LSP1: variants seen among roughly 807,000 people sequenced by gnomAD.
LSP1 encodes lymphocyte-specific protein 1.
A neutral mutation model predicts 49.3 loss-of-function variants in LSP1; 32 were observed. The observed-to-expected ratio is 0.65, with a 90% CI of 0.49 to 0.87. The LOEUF is 0.87. Ranked by LOEUF, LSP1 falls within the 40% of genes least tolerant of loss-of-function variation. The probability of loss-of-function intolerance (pLI) is 0.00; values close to 1 mark genes in which losing one functional copy is unlikely to be tolerated. For missense variants in LSP1, 428 were observed against 442.6 expected (o/e 0.97, Z 0.30); for synonymous variants, 179 against 178.8 (o/e 1.00, Z -0.01).
At position 1,865,147 on chromosome 11, in the gene LSP1, C is replaced by A. The variant is rs537427105; in HGVS notation, c.53+11950C>A. ...CAGGACAGGAGCCTTTGAGATGCTG[C>A]TCTATCCCCGGGGCTGGGGTCAGGC... is the stretch of plus-strand genomic sequence containing the variant. On this transcript the variant is annotated intron_variant, in intron 1 of 10. Coordinates refer to ENST00000311604, the MANE Select transcript of LSP1 (RefSeq NM_002339.3). 46 of 974,692 alleles carry A rather than the reference C, an allele frequency of 4.7e-5. 1 individual carries two copies. In the South Asian group the frequency reaches 1.8e-3, roughly 39 times the overall value. 60.4% of individuals were successfully genotyped at this position (974,692 alleles called of 1,614,324 possible). A position where few individuals can be genotyped will look rare whatever the true frequency, so the allele number is the denominator to read the frequency against.
chr11:1,887,268 G>A lies in LSP1; in HGVS notation c.884G>A (p.Ser295Asn), dbSNP rs1007609338. The A allele has an allele frequency of 1.3e-6, 2 of 1,595,374 alleles. No homozygotes were observed. Among genetic ancestry groups the A allele is most frequent in the South Asian group, 1.1e-5 (1 of 89,170 alleles). The change falls in exon 9 of 11, where the codon AGC (serine) becomes AAC (asparagine). Residue 295 changes from serine (S) to asparagine (N), a missense_variant. Physicochemically the swap from Ser to Asn is conservative, Grantham distance 46. Transcript: ENST00000311604. Reference protein sequence around the residue: ...DIVAGDMSKKSLWEQKGGSKT... With the variant: ...DIVAGDMSKKNLWEQKGGSKT... Reference sequence around the variant, plus strand: ...GTGGCTGGAGACATGAGCAAGAAAAGCCTCTGGGAGCAGAAGGGAGGCTCC... The same window carrying A: ...GTGGCTGGAGACATGAGCAAGAAAAACCTCTGGGAGCAGAAGGGAGGCTCC...
At chr11:1,855,523 C>T (rs989773804) in intron 1 of LSP1, among the ~76,000 whole-genome samples, 4 of 152,308 alleles carry the variant, frequency 2.6e-5, no homozygotes, top group South Asian at 2.1e-4. Context: ...CTGCCCGGGA[C>T]GGGGCCAGAT....
At position 1,880,077 on chromosome 11, in the gene LSP1, C is replaced by A; in HGVS notation, c.54-10C>A. On this transcript the variant is annotated splice_polypyrimidine_tract_variant and intron_variant, in intron 1 of 10. Coordinates refer to ENST00000311604, the MANE Select transcript of LSP1 (RefSeq NM_002339.3). ...CTGTGGCGTGACTGTCCCTCTGTGTCCCCCACTAGGCCCACTGCTCAGTGG... is the reference window on the plus strand; with the variant it reads ...CTGTGGCGTGACTGTCCCTCTGTGTACCCCACTAGGCCCACTGCTCAGTGG... The A allele has an allele frequency of 3.1e-6, 5 of 1,607,224 alleles. No individual in the cohort carries two copies. The highest frequency in any genetic ancestry group is 4.2e-6 in the Non-Finnish European group (5 of 1,176,806).
At chr11:1,866,565 G>A in intron 1 of LSP1, 1 of 1,548,714 alleles carries the variant, frequency 6.5e-7, no homozygotes, top group Non-Finnish European at 8.7e-7. Flanking sequence ...CCCCTGGCTG[G>A]GCACACCTCA....
At chr11:1,866,917 C>A (rs1847811917) in intron 1 of LSP1, 6 of 1,502,156 alleles carry the variant, frequency 4.0e-6, no homozygotes, top group South Asian at 1.2e-5. Context: ...CCCAGGTGAG[C>A]AAGCCGCACT....
chr11:1,871,701 G>A (rs967708682), intron 1 of LSP1, among the ~76,000 whole-genome samples: 9 of 152,054 alleles, frequency 5.9e-5, no homozygotes, highest in Non-Finnish European at 7.4e-5. Context: ...GGTAGACTTG[G>A]GGGTCTGTCC....
intron 1 of LSP1, chr11:1,870,564 C>A (rs928623037): frequency 1.7e-6 from 2 of 1,149,314 alleles, no homozygotes; most frequent in Non-Finnish European, 2.2e-6. Flanking sequence ...CTGGGTGCTA[C>A]GGTAGGAAGA....
rs1589830480 is a variant in LSP1 at position 1,884,489 on chromosome 11, C to T, written c.636-11C>T. On this transcript the variant is annotated splice_polypyrimidine_tract_variant and intron_variant, in intron 6 of 10. Transcript: ENST00000311604. This position sits in a 1 kb window ranked among gnomAD's most constrained non-coding sequence, Gnocchi z 4.1. ...GGAGACATGGGGCCTGACACATCTTCTACCCTCCAGTAACAGTGTGAAGAA... is the reference window on the plus strand; with the variant it reads ...GGAGACATGGGGCCTGACACATCTTTTACCCTCCAGTAACAGTGTGAAGAA... 3 of 1,612,998 alleles carry T rather than the reference C, an allele frequency of 1.9e-6. No homozygotes were observed. In the African/African-American group the frequency reaches 4.0e-5, roughly 22 times the overall value.
chr11:1,872,518 T>G (rs111330370), intron 1 of LSP1, among the ~76,000 whole-genome samples: 1 of 109,166 alleles, frequency 9.2e-6, no homozygotes. Flanking sequence ...GCCTGGGCTG[T>G]AGTCACCCTG....
At chr11:1,864,051 A>T in intron 1 of LSP1, 3 of 144,038 alleles carry the variant, frequency 2.1e-5, no homozygotes, top group Non-Finnish European at 2.5e-5. Context: ...AGCGGGGGAG[A>T]GGGGAGGAGG....
At chr11:1,881,834 G>A (rs539953875) in intron 3 of LSP1, among the ~76,000 whole-genome samples, 4 of 152,300 alleles carry the variant, frequency 2.6e-5, no homozygotes, top group Admixed American at 2.6e-4. Context: ...GACAGGAGGG[G>A]AGGGAGGAAG....
chr11:1,871,700 G>A (rs562434), intron 1 of LSP1, among the ~76,000 whole-genome samples: 48,569 of 151,864 alleles, frequency 0.32, 9,092 homozygotes, highest in East Asian at 0.64. Flanking sequence ...GGGTAGACTT[G>A]GGGGTCTGTC....
At chr11:1,885,158 C>T (rs985521946) in intron 7 of LSP1, among the ~76,000 whole-genome samples, 1 of 151,802 alleles carries the variant, frequency 6.6e-6, no homozygotes, top group Non-Finnish European at 1.5e-5. Context: ...AATGTCCCTC[C>T]CATCCAATCA....
intron 1 of LSP1, chr11:1,864,131 G>T: frequency 1.0e-6 from 1 of 968,794 alleles, no homozygotes. Context: ...TAGGGACAGA[G>T]ACACCAGAGG....
At chr11:1,874,568 G>A (rs1326752796) in intron 1 of LSP1, among the ~76,000 whole-genome samples, 7 of 152,112 alleles carry the variant, frequency 4.6e-5, no homozygotes, top group African/African-American at 4.8e-5. Context: ...AGAAGGGGCC[G>A]GGGCTGGTCA....
intron 10 of LSP1, chr11:1,889,137 T>C (rs1169521511): frequency 1.6e-6 from 1 of 640,740 alleles, no homozygotes; most frequent in East Asian, 2.8e-5. Flanking sequence ...GGGGCCATTC[T>C]GGCCACTTCA....
intron 1 of LSP1, chr11:1,864,049 A>T: frequency 5.5e-6 from 1 of 182,138 alleles, no homozygotes; most frequent in Non-Finnish European, 7.4e-6. Context: ...GGAGCGGGGG[A>T]GAGGGGAGGA....
Position 1,876,607 on chromosome 11 carries a change from G to T in LSP1, c.54-3480G>T. Reference sequence around the variant, plus strand: ...CAGAGTCGGGACGGGGACCGAGCCGGACACCCATTCTGCAAGTGTCTGCAG... The same window carrying T: ...CAGAGTCGGGACGGGGACCGAGCCGTACACCCATTCTGCAAGTGTCTGCAG... On this transcript the variant is annotated intron_variant, in intron 1 of 10. Transcript: ENST00000311604. 4 of 985,566 alleles carry T rather than the reference G, an allele frequency of 4.1e-6. No homozygotes were observed. In the South Asian group the frequency reaches 1.9e-4, roughly 46 times the overall value. 61.1% of individuals were successfully genotyped at this position (985,566 alleles called of 1,614,324 possible). A position where few individuals can be genotyped will look rare whatever the true frequency, so the allele number is the denominator to read the frequency against.
Position 1,870,862 on chromosome 11 carries a change from C to T in LSP1, c.54-9225C>T, listed in dbSNP as rs985538818. ...CCCAGAACGTGCCAAAAGCCTGCCT[C>T]GTGAGCACGGCAAGAGCTCTGCCAG... On this transcript the variant is annotated intron_variant, in intron 1 of 10. Transcript: ENST00000311604. 23 of 986,356 alleles carry T rather than the reference C, an allele frequency of 2.3e-5. No homozygotes were observed. In the Admixed American group the frequency reaches 9.7e-4, roughly 42 times the overall value. 61.1% of individuals were successfully genotyped at this position (986,356 alleles called of 1,614,324 possible). A position where few individuals can be genotyped will look rare whatever the true frequency, so the allele number is the denominator to read the frequency against.
Sources: allele counts gnomAD v4.1 joint callset (sites outside exome capture counted in the v4.1 genomes callset), GRCh38; gene constraint gnomAD v4.1.1; non-coding constraint Gnocchi (gnomAD v3.1); transcripts MANE v1.5; gene names NCBI Gene and HGNC (gene_info 2026-07-23, HGNC 2026-07-21).